Variants in TPM3 observed in about 807,000 individuals in gnomAD.
TPM3 encodes tropomyosin alpha-3 chain.
A neutral mutation model predicts 43.1 loss-of-function variants in TPM3; 16 were observed. That is an observed-to-expected ratio of 0.37 (90% CI 0.25 to 0.56). The LOEUF is 0.56. Ranked by LOEUF, TPM3 falls within the 20% of genes least tolerant of loss-of-function variation. The pLI is 0.77. For synonymous variants in TPM3, 101 were observed against 116.9 expected (o/e 0.86, Z 0.88); for missense variants, 176 against 337.2 (o/e 0.52, Z 3.74).
At chr1:154,177,299 A>G (rs1662448069) in intron 2 of TPM3, among the ~76,000 whole-genome samples, 1 of 151,956 alleles carries the variant, frequency 6.6e-6, no homozygotes, top group Admixed American at 6.6e-5. Context: ...CATTCCTCCA[A>G]ATTTCTGAAT....
intron 2 of TPM3, chr1:154,183,835 T>C (rs1663242496): frequency 6.6e-6 from 1 of 151,104 alleles, no homozygotes; most frequent in Admixed American, 6.7e-5. Flanking sequence ...GTGTTCTATT[T>C]AGAACAGACT....
downstream of TPM3, among the ~76,000 whole-genome samples, chr1:154,160,760 A>C (rs979708972): frequency 1.3e-5 from 2 of 152,222 alleles, no homozygotes; most frequent in South Asian, 4.1e-4. Flanking sequence ...CAAACACTAT[A>C]CAGGCTGAGA....
At position 154,167,720 on chromosome 1, in the gene TPM3, A is replaced by G. The variant is rs986498738; in HGVS notation, c.*217T>C. The stretch of plus-strand genomic sequence containing the variant: ...CTTAGGGACAGCAACAGCTTTGTCA[A>G]TGACACAAATGCAGGGTGGCATGAG... On this transcript the variant is annotated 3_prime_UTR_variant, in exon 10 of 10. Transcript: ENST00000651641. 16 of 1,415,240 alleles carry G rather than the reference A, an allele frequency of 1.1e-5. No homozygotes were observed. The highest frequency in any genetic ancestry group is 1.5e-5 in the Non-Finnish European group (16 of 1,078,788). The allele number at this position is 1,415,240 out of a possible 1,614,324, so 87.7% of individuals were successfully genotyped here. A position where few individuals can be genotyped will look rare whatever the true frequency, so the allele number is the denominator to read the frequency against.
At chr1:154,168,836 TTC>T (rs940676996) in intron 9 of TPM3, among the ~76,000 whole-genome samples, 3 of 148,408 alleles carry the variant, frequency 2.0e-5, no homozygotes, top group African/African-American at 7.5e-5. Context: ...TTTAATGTTT[TTC>T]TTTTTTTTTT....
chr1:154,171,145 AG>A lies in TPM3; in HGVS notation c.642+267del, dbSNP rs1242214400. The A allele has an allele frequency of 2.4e-5, 14 of 589,920 alleles. No individual in the cohort carries two copies. In the East Asian group the frequency reaches 3.4e-4, roughly 14 times the overall value. 36.5% of individuals were successfully genotyped at this position (589,920 alleles called of 1,614,324 possible). ...CCATCTGTCTGCTAGAAAGCCTGTT[AG>A]GGCCCTTGATTATTGCTTTTCAGCA... On this transcript the variant is annotated intron_variant, in intron 6 of 9. Transcript: ENST00000651641.
chr1:154,167,820 C>T lies in TPM3; in HGVS notation c.*117G>A. 4 of 1,607,154 alleles carry T rather than the reference C, an allele frequency of 2.5e-6. No homozygotes were observed. Among genetic ancestry groups the T allele is most frequent in the Non-Finnish European group, 2.6e-6 (3 of 1,176,408 alleles). ...CATAAGTTGCTTTTTGCTCCCCCATCCTAATGCCTTGGGGACCAGCCAGGC... is the reference window on the plus strand; with the variant it reads ...CATAAGTTGCTTTTTGCTCCCCCATTCTAATGCCTTGGGGACCAGCCAGGC... On this transcript the variant is annotated 3_prime_UTR_variant, in exon 10 of 10. Transcript: ENST00000651641.
chr1:154,169,363 G>A lies in TPM3; in HGVS notation c.796C>T (p.Leu266=), dbSNP rs189530777. Residue 266 remains leucine, a synonymous_variant, in exon 9 of 10, where the codon CTG becomes TTG. Coordinates refer to ENST00000651641, the MANE Select transcript of TPM3 (RefSeq NM_152263.4). ...TCCTCGCTAATGGCCTTGTACTTCA[G>A]TTTCTGGGCATAGAGCTCATCTGGA... ...DLEDELYAQK[L]KYKAISEELD... 9.3e-6 allele frequency: 15 copies of A among 1,614,208 alleles called. No homozygotes were observed. The Admixed American group carries it at 1.7e-4, about 18-fold the overall frequency.
intron 5 of TPM3, chr1:154,172,357 T>A: frequency 3.0e-6 from 2 of 666,902 alleles, no homozygotes; most frequent in Non-Finnish European, 5.7e-6. Flanking sequence ...GCAGTTAATA[T>A]CTACCCTTGC....
At chr1:154,155,705 CG>C, downstream of TPM3, 1 of 228,066 alleles carries the variant, frequency 4.4e-6, no homozygotes, top group South Asian at 1.8e-4. Flanking sequence ...GTTAAAACCA[CG>C]CATTTATAGT....
chr1:154,155,720 G>C (rs986013428), downstream of TPM3: 1 of 227,352 alleles, frequency 4.4e-6, no homozygotes, highest in Non-Finnish European at 8.7e-6. Flanking sequence ...TTATAGTAGT[G>C]ATCAGCATTA....
chr1:154,172,802 C>T, intron 5 of TPM3, 106 bp downstream of exon 5: 1 of 1,404,154 alleles, frequency 7.1e-7, no homozygotes, highest in Non-Finnish European at 1.0e-6. Flanking sequence ...TTCCCTAGGC[C>T]CTGTTTAACA....
chr1:154,179,924 GGA>G (rs1017446601), intron 2 of TPM3, among the ~76,000 whole-genome samples: 5 of 152,022 alleles, frequency 3.3e-5, no homozygotes, highest in South Asian at 2.1e-4. Flanking sequence ...GGGACAATTA[GGA>G]GAGAGTTATT....
chr1:154,190,125 A>G (rs1254996707), intron 2 of TPM3, among the ~76,000 whole-genome samples: 2 of 152,136 alleles, frequency 1.3e-5, no homozygotes, highest in Admixed American at 6.5e-5. Flanking sequence ...TATTTTTACT[A>G]GAGACAGGGT....
rs752930786 is a variant in TPM3, at chr1:154,169,264, C to T, written c.854+41G>A. ...CATAGCTTGTACCCCCATCCACCCA[C>T]AAGCCAAGATCCCAGCCCCACTCTA... is the stretch of plus-strand genomic sequence containing the variant. On this transcript the variant is annotated intron_variant, in intron 9 of 9. Coordinates refer to ENST00000651641, the MANE Select transcript of TPM3 (RefSeq NM_152263.4). 3 of 1,607,342 alleles carry T rather than the reference C, an allele frequency of 1.9e-6. No homozygotes were observed. In the African/African-American group the frequency reaches 4.0e-5, roughly 21 times the overall value.
intron 2 of TPM3, 41 bp downstream of exon 2, chr1:154,191,145 A>G: frequency 1.9e-6 from 3 of 1,613,932 alleles, no homozygotes; most frequent in South Asian, 1.1e-5. Flanking sequence ...AAAGATCTAT[A>G]TGTGTAGATT....
intron 5 of TPM3, chr1:154,171,896 A>C: frequency 1.0e-6 from 1 of 953,770 alleles, no homozygotes; most frequent in South Asian, 1.3e-5. Context: ...GTGGAAAAGA[A>C]TGGAGCATTC....
At position 154,167,921 on chromosome 1, in the gene TPM3, G is replaced by A. The variant is rs1478488171; in HGVS notation, c.*16C>T. The A allele has an allele frequency of 6.2e-7, 1 of 1,614,030 alleles. No individual in the cohort carries two copies. The highest frequency in any genetic ancestry group is 8.5e-7 in the Non-Finnish European group (1 of 1,179,964). On this transcript the variant is annotated 3_prime_UTR_variant, in exon 10 of 10. Transcript: ENST00000651641. Reference sequence around the variant, plus strand: ...GTAAAGGGGGCAGATCCAGAACAGAGCAGAAACGGTGATAATTATCTGTAT... The same window carrying A: ...GTAAAGGGGGCAGATCCAGAACAGAACAGAAACGGTGATAATTATCTGTAT...
At chr1:154,182,567 G>T (rs1663077640) in intron 2 of TPM3, among the ~76,000 whole-genome samples, 1 of 150,912 alleles carries the variant, frequency 6.6e-6, no homozygotes, top group East Asian at 2.0e-4. Flanking sequence ...GCCCCTCCCC[G>T]AACAGAGAAG....
chr1:154,191,453 C>CA, intron 1 of TPM3, 142 bp from the exon 2 acceptor site: 1 of 1,463,256 alleles, frequency 6.8e-7, no homozygotes, highest in South Asian at 1.2e-5. Flanking sequence ...ACTTCCAGCC[C>CA]ACTGCCTCAG....
Sources: allele counts gnomAD v4.1 joint callset (sites outside exome capture counted in the v4.1 genomes callset), GRCh38; gene constraint gnomAD v4.1.1; transcripts MANE v1.5; gene names NCBI Gene and HGNC (gene_info 2026-07-23, HGNC 2026-07-21).